Variants in GRIN2B observed in about 807,000 individuals in gnomAD.
GRIN2B encodes glutamate receptor ionotropic, NMDA 2B.
In GRIN2B, 5 loss-of-function variants were observed where a neutral mutation model predicts 114.5. That is an observed-to-expected ratio of 0.04 (90% confidence interval 0.02 to 0.09). The LOEUF (loss-of-function observed/expected upper bound fraction) is 0.09, where lower values mean the gene tolerates loss of function less well. Among genes scored for constraint, GRIN2B ranks in the 10% least tolerant of loss-of-function variants. The probability of loss-of-function intolerance (pLI) is 1.00; values close to 1 mark genes in which losing one functional copy is unlikely to be tolerated. For synonymous variants in GRIN2B, 787 were observed against 745.1 expected (o/e 1.06, Z -0.92); for missense variants, 1,108 against 1,943.5 (o/e 0.57, Z 8.08).
intron 10 of GRIN2B, among the ~76,000 whole-genome samples, chr12:13,593,946 G>C (rs868017804): frequency 1.2e-4 from 19 of 152,316 alleles, no homozygotes; most frequent in African/African-American, 4.6e-4. Context: ...CTGGTCATTA[G>C]AGAAATGCAA....
chr12:13,605,955 CA>C (rs1373005911), intron 10 of GRIN2B, among the ~76,000 whole-genome samples: 1 of 152,164 alleles, frequency 6.6e-6, no homozygotes, highest in African/African-American at 2.4e-5. Flanking sequence ...TCTCACCATA[CA>C]GTGCTATAAC....
At chr12:13,770,515 A>T (rs1216631493) in intron 3 of GRIN2B, among the ~76,000 whole-genome samples, 1 of 152,194 alleles carries the variant, frequency 6.6e-6, no homozygotes, top group Non-Finnish European at 1.5e-5. Context: ...GCTTCACAGA[A>T]ATTTGGTGTG....
At chr12:13,847,631 T>G (rs1865492387) in intron 3 of GRIN2B, among the ~76,000 whole-genome samples, 2 of 150,474 alleles carry the variant, frequency 1.3e-5, no homozygotes, top group South Asian at 2.1e-4. Flanking sequence ...GAGGACAAGG[T>G]GGGAGAAGGG....
intron 2 of GRIN2B, among the ~76,000 whole-genome samples, chr12:13,889,539 T>G (rs1866223802): frequency 6.6e-6 from 1 of 152,226 alleles, no homozygotes; most frequent in Admixed American, 6.5e-5. Flanking sequence ...AAGGTATGCA[T>G]GTATTAAATA....
chr12:13,893,907 T>G (rs995778111), intron 2 of GRIN2B, among the ~76,000 whole-genome samples: 1 of 152,050 alleles, frequency 6.6e-6, no homozygotes, highest in Non-Finnish European at 1.5e-5. Flanking sequence ...ATAAAGAATT[T>G]AAAATATACT....
chr12:13,698,119 C>T (rs1167328868), intron 4 of GRIN2B, among the ~76,000 whole-genome samples: 4 of 152,322 alleles, frequency 2.6e-5, no homozygotes, highest in East Asian at 1.9e-4. Flanking sequence ...ATTATCAGGC[C>T]GTGCTCCAAG....
chr12:13,888,230 T>A (rs1866198186), intron 2 of GRIN2B, among the ~76,000 whole-genome samples: 1 of 152,146 alleles, frequency 6.6e-6, no homozygotes, highest in Non-Finnish European at 1.5e-5. Context: ...TGTGTGAACA[T>A]CACAGAGTGC....
At chr12:13,807,019 CA>C (rs1215518945) in intron 3 of GRIN2B, among the ~76,000 whole-genome samples, 1 of 152,024 alleles carries the variant, frequency 6.6e-6, no homozygotes, top group Non-Finnish European at 1.5e-5. Flanking sequence ...AAATTACTCA[CA>C]GTGCCTTGTA....
rs1419084421 is a variant in GRIN2B, at chr12:13,834,017, CTTCTT to C, written c.411+31776_411+31780del. Among the ~76,000 whole-genome samples the C allele has an allele frequency of 1.0e-4, 12 of 117,482 alleles. No individual in the cohort carries two copies. In the East Asian group the frequency reaches 2.2e-3, roughly 21 times the overall value. 77.1% of individuals were successfully genotyped at this position (117,482 alleles called of 152,430 possible). The stretch of plus-strand genomic sequence containing the variant: ...GAAAACACAGTAGTCTCTTTGCTAA[CTTCTT>C]TTTTTTTTTTTTTTTTTTTTTTTTT... On this transcript the variant is annotated intron_variant, in intron 3 of 13. Coordinates refer to ENST00000609686, the MANE Select transcript of GRIN2B (RefSeq NM_000834.5).
At chr12:13,902,382 C>T (rs997626275) in intron 2 of GRIN2B, among the ~76,000 whole-genome samples, 1 of 152,146 alleles carries the variant, frequency 6.6e-6, no homozygotes, top group African/African-American at 2.4e-5. Flanking sequence ...CATTTCCTTT[C>T]ATCTACTTCA....
intron 3 of GRIN2B, among the ~76,000 whole-genome samples, chr12:13,765,000 T>C (rs1231915517): frequency 6.6e-6 from 1 of 152,226 alleles, no homozygotes; most frequent in East Asian, 1.9e-4. Flanking sequence ...TGCAGTCTCG[T>C]TATCTTTAGA....
intron 5 of GRIN2B, among the ~76,000 whole-genome samples, chr12:13,625,953 G>A (rs1949560983): frequency 6.6e-6 from 1 of 152,120 alleles, no homozygotes; most frequent in Non-Finnish European, 1.5e-5. Context: ...TGCTAAACAG[G>A]CTCAAATAGG....
chr12:13,563,882 T>C lies in GRIN2B; in HGVS notation c.3356A>G (p.His1119Arg), dbSNP rs1948593226. ...YRRRPPRSPDHKRYFRDKEGL... is the reference protein window; with the variant it reads ...YRRRPPRSPDRKRYFRDKEGL... ...TTCCTTGTCCCTGAAGTAGCGCTTG[T>C]GGTCAGGGGAGCGGGGCGGTCGGCG... The change falls in exon 14 of 14, where the codon CAC becomes CGC. Residue 1119 changes from histidine (H) to arginine (R), a missense_variant. This residue lies in a region of GRIN2B where 478 missense variants were observed against 506.0 expected (regional missense o/e 0.94). Coordinates refer to ENST00000609686, the MANE Select transcript of GRIN2B (RefSeq NM_000834.5). 1.9e-6 allele frequency: 3 copies of C among 1,614,012 alleles called. No individual in the cohort carries two copies. The highest frequency in any genetic ancestry group is 1.3e-5 in the African/African-American group (1 of 74,920).
chr12:13,582,991 G>A (rs1035068005), intron 10 of GRIN2B, among the ~76,000 whole-genome samples: 2 of 152,164 alleles, frequency 1.3e-5, no homozygotes, highest in East Asian at 3.8e-4. Flanking sequence ...ATGTTAGCTA[G>A]CTGAGGCTTG....
chr12:13,539,708 G>A lies in GRIN2B; in HGVS notation c.*23075C>T, dbSNP rs1948253736. 1 of 152,182 alleles carries A rather than the reference G, an allele frequency of 6.6e-6. No homozygotes were observed. Among genetic ancestry groups the A allele is most frequent in the East Asian group, 1.9e-4 (1 of 5,192 alleles). The allele number at this position is 152,182 out of a possible 1,614,324, so 9.4% of individuals were successfully genotyped here. A position where few individuals can be genotyped will look rare whatever the true frequency, so the allele number is the denominator to read the frequency against. On this transcript the variant is annotated 3_prime_UTR_variant, in exon 14 of 14. Transcript: ENST00000609686. Reference sequence around the variant, plus strand: ...ACTGTGGGAACCTCTAAAGGATAAAGTGCTCTATTCCTTTAACAAGTATAT... The same window carrying A: ...ACTGTGGGAACCTCTAAAGGATAAAATGCTCTATTCCTTTAACAAGTATAT...
At chr12:13,737,573 A>C (rs935815184) in intron 4 of GRIN2B, among the ~76,000 whole-genome samples, 1 of 152,136 alleles carries the variant, frequency 6.6e-6, no homozygotes, top group Non-Finnish European at 1.5e-5. Flanking sequence ...CTCTAGATTG[A>C]TTTCTTCCTG....
intron 2 of GRIN2B, among the ~76,000 whole-genome samples, chr12:13,977,816 C>A (rs1324976464): frequency 6.6e-6 from 1 of 152,152 alleles, no homozygotes; most frequent in Non-Finnish European, 1.5e-5. Context: ...AGGCACAGAC[C>A]ACCTGTGGCG....
chr12:13,768,797 G>A (rs1418350340), intron 3 of GRIN2B, among the ~76,000 whole-genome samples: 1 of 152,190 alleles, frequency 6.6e-6, no homozygotes, highest in Non-Finnish European at 1.5e-5. Context: ...CACTTTGGGA[G>A]GCCAAGGCGG....
intron 2 of GRIN2B, among the ~76,000 whole-genome samples, chr12:13,872,049 A>G (rs977822386): frequency 6.6e-6 from 1 of 152,076 alleles, no homozygotes; most frequent in Admixed American, 6.5e-5. Flanking sequence ...ATGGTTTTAT[A>G]GATTAAGTAT....
Sources: allele counts gnomAD v4.1 joint callset (sites outside exome capture counted in the v4.1 genomes callset), GRCh38; gene constraint gnomAD v4.1.1; regional missense constraint gnomAD v4.1.1; transcripts MANE v1.5; gene names NCBI Gene and HGNC (gene_info 2026-07-23, HGNC 2026-07-21).